Variants in MYOF observed in about 807,000 individuals in gnomAD.
MYOF encodes the protein myoferlin.
MYOF carries 244 observed loss-of-function variants against 284.2 expected under a neutral mutation model. The ratio of observed to expected loss-of-function variants is 0.86; its 90% CI spans 0.77 to 0.95. The LOEUF (loss-of-function observed/expected upper bound fraction) is 0.95. Ranked by LOEUF, MYOF falls within the 40% of genes least tolerant of loss-of-function variation. The pLI is 0.00. For missense variants in MYOF, 2,496 were observed against 2,560.6 expected (o/e 0.97, Z 0.54); for synonymous variants, 904 against 919.7 (o/e 0.98, Z 0.31).
intron 1 of MYOF, among the ~76,000 whole-genome samples, chr10:93,480,392 A>C (rs1368627872): frequency 6.6e-6 from 1 of 152,050 alleles, no homozygotes; most frequent in East Asian, 1.9e-4. Flanking sequence ...TTATTCAAAA[A>C]AATTTTTTTA....
At chr10:93,377,149 T>C (rs1252362328) in intron 22 of MYOF, among the ~76,000 whole-genome samples, 174 bp downstream of exon 22, 1 of 152,184 alleles carries the variant, frequency 6.6e-6, no homozygotes, top group Non-Finnish European at 1.5e-5. Context: ...AAGTGGAGCT[T>C]TTCCTGGTGG....
At chr10:93,379,128 A>G (rs1390807454) in intron 21 of MYOF, among the ~76,000 whole-genome samples, 2 of 152,134 alleles carry the variant, frequency 1.3e-5, no homozygotes, top group African/African-American at 4.8e-5. Context: ...TATCATATGT[A>G]TGCAGTTTTC....
At chr10:93,366,604 A>G (rs760568492) in intron 25 of MYOF, 49 bp from the exon 26 acceptor site, 1 of 1,489,268 alleles carries the variant, frequency 6.7e-7, no homozygotes, top group South Asian at 1.2e-5. Flanking sequence ...AGAGCAAAAA[A>G]TAAAGCTAGC....
chr10:93,409,829 C>A, intron 5 of MYOF, 90 bp from the exon 6 acceptor site: 1 of 1,501,594 alleles, frequency 6.7e-7, no homozygotes, highest in South Asian at 1.2e-5. Context: ...TTTTGTCTGC[C>A]ATTATGTTTT....
chr10:93,467,240 A>T (rs1339188291), intron 1 of MYOF, among the ~76,000 whole-genome samples: 2 of 151,714 alleles, frequency 1.3e-5, no homozygotes, highest in Non-Finnish European at 2.9e-5. Context: ...TATGTATACA[A>T]GTGCCATGTT....
chr10:93,406,305 T>A (rs1398210993), intron 7 of MYOF, among the ~76,000 whole-genome samples: 1 of 115,902 alleles, frequency 8.6e-6, no homozygotes, highest in Admixed American at 1.0e-4. Flanking sequence ...TATATATATA[T>A]ATATATATAT....
intron 37 of MYOF, among the ~76,000 whole-genome samples, chr10:93,345,557 A>C (rs1844150386): frequency 6.6e-6 from 1 of 152,196 alleles, no homozygotes; most frequent in Middle Eastern, 3.2e-3. Flanking sequence ...CAGTCTCTAC[A>C]CTTCCAAGAT....
chr10:93,474,494 G>T (rs1342820747), intron 1 of MYOF, among the ~76,000 whole-genome samples: 1 of 152,072 alleles, frequency 6.6e-6, no homozygotes, highest in East Asian at 1.9e-4. Flanking sequence ...AACTTTTCAT[G>T]TCTATTCTGG....
At chr10:93,333,349 A>T (rs1187566608) in intron 42 of MYOF, 37 bp from the exon 43 acceptor site, 1 of 1,562,504 alleles carries the variant, frequency 6.4e-7, no homozygotes, top group South Asian at 1.1e-5. Flanking sequence ...ACATCATTGT[A>T]GGGCGCAAGG....
At chr10:93,455,479 G>T (rs137992036) in intron 2 of MYOF, among the ~76,000 whole-genome samples, 2,281 of 151,916 alleles carry the variant, frequency 0.015, 66 homozygotes, top group African/African-American at 0.052. Context: ...ACCAGCCTGG[G>T]CAACACGGCA....
At position 93,439,125 on chromosome 10, in the gene MYOF, T is replaced by C. The variant is rs984052047; in HGVS notation, c.237-7609A>G. On this transcript the variant is annotated intron_variant, in intron 3 of 53. Coordinates refer to ENST00000359263, the MANE Select transcript of MYOF (RefSeq NM_013451.4). ...CGATTTTCGTGGCCAGCATCTACTGTGCTCTTTTTCCCAGCCCCTCCCACC... is the reference window on the plus strand; with the variant it reads ...CGATTTTCGTGGCCAGCATCTACTGCGCTCTTTTTCCCAGCCCCTCCCACC... Among the ~76,000 whole-genome samples, 31 of 152,206 alleles carry C rather than the reference T, an allele frequency of 2.0e-4. 1 individual carries two copies. The highest frequency in any genetic ancestry group is 6.0e-4 in the African/African-American group (25 of 41,470).
At chr10:93,454,042 C>T (rs1421853781) in intron 2 of MYOF, among the ~76,000 whole-genome samples, 4 of 151,940 alleles carry the variant, frequency 2.6e-5, no homozygotes, top group South Asian at 2.1e-4. Flanking sequence ...ATTAGCCAGG[C>T]GTAGTGGCAT....
intron 19 of MYOF, among the ~76,000 whole-genome samples, chr10:93,386,284 C>T (rs1846360797): frequency 6.6e-6 from 1 of 152,134 alleles, no homozygotes; most frequent in Admixed American, 6.5e-5. Flanking sequence ...ACTCTCCCGC[C>T]CTCTTTTTTC....
At chr10:93,459,687 A>G (rs1267075394) in intron 1 of MYOF, among the ~76,000 whole-genome samples, 1 of 152,242 alleles carries the variant, frequency 6.6e-6, no homozygotes, top group African/African-American at 2.4e-5. Context: ...GAAAATGTCC[A>G]TAAGGAAGTT....
intron 45 of MYOF, among the ~76,000 whole-genome samples, chr10:93,326,787 G>A (rs1248887075): frequency 6.6e-6 from 1 of 152,012 alleles, no homozygotes; most frequent in African/African-American, 2.4e-5. Flanking sequence ...ACCACACGCA[G>A]CTAATTTTTG....
chr10:93,371,756 A>G (rs550170610), intron 24 of MYOF, among the ~76,000 whole-genome samples: 1 of 152,114 alleles, frequency 6.6e-6, no homozygotes, highest in Non-Finnish European at 1.5e-5. Context: ...GTATAAAGGG[A>G]TCTCAAGACC....
intron 17 of MYOF, 71 bp from the exon 18 acceptor site, chr10:93,389,225 T>C (rs1352895981): frequency 2.7e-6 from 4 of 1,496,390 alleles, no homozygotes; most frequent in Non-Finnish European, 3.6e-6. Flanking sequence ...TATTAGTTAT[T>C]AGTTAGTTAG....
chr10:93,476,411 C>T (rs566046110), intron 1 of MYOF, among the ~76,000 whole-genome samples: 2 of 152,014 alleles, frequency 1.3e-5, no homozygotes, highest in East Asian at 1.9e-4. Context: ...ACCACCACGC[C>T]CAGCTAATAT....
intron 12 of MYOF, 58 bp downstream of exon 12, chr10:93,401,360 A>G (rs1847284095): frequency 1.3e-6 from 2 of 1,592,352 alleles, no homozygotes. Flanking sequence ...TTGATTTTTA[A>G]CACATTTCAT....
Sources: allele counts gnomAD v4.1 joint callset (sites outside exome capture counted in the v4.1 genomes callset), GRCh38; gene constraint gnomAD v4.1.1; transcripts MANE v1.5; gene names NCBI Gene and HGNC (gene_info 2026-07-23, HGNC 2026-07-21).